Variants in EPHA6 observed in about 807,000 individuals in gnomAD.
The protein encoded by EPHA6 is EPH receptor A6.
In EPHA6, 50 loss-of-function variants were observed where a neutral mutation model predicts 112.0. The ratio of observed to expected loss-of-function variants is 0.45; its 90% CI spans 0.36 to 0.56. EPHA6 has a LOEUF of 0.56. EPHA6 is among the 20% of genes least tolerant of loss of function. The probability of loss-of-function intolerance (pLI) is 0.00; values close to 1 mark genes in which losing one functional copy is unlikely to be tolerated. For synonymous variants in EPHA6, 529 were observed against 490.7 expected (o/e 1.08, Z -1.03); for missense variants, 1,280 against 1,417.4 (o/e 0.90, Z 1.56).
intron 3 of EPHA6, among the ~76,000 whole-genome samples, chr3:97,017,544 C>T (rs11918124): frequency 0.022 from 3,406 of 152,272 alleles, 117 homozygotes; most frequent in African/African-American, 0.071. Flanking sequence ...GCCCCAATGA[C>T]TGAAACTTCT....
chr3:97,148,448 A>C (rs1312457320), intron 3 of EPHA6, among the ~76,000 whole-genome samples: 1 of 152,108 alleles, frequency 6.6e-6, no homozygotes, highest in Non-Finnish European at 1.5e-5. Flanking sequence ...AGCCTGGGCA[A>C]TCAGAGTGAG....
At chr3:96,932,032 T>G (rs989250746) in intron 2 of EPHA6, among the ~76,000 whole-genome samples, 5 of 152,124 alleles carry the variant, frequency 3.3e-5, no homozygotes, top group African/African-American at 1.2e-4. Flanking sequence ...TGATCTATGT[T>G]GCAAAGATCC....
chr3:97,344,835 A>G (rs1455252525), intron 5 of EPHA6, among the ~76,000 whole-genome samples: 2 of 152,172 alleles, frequency 1.3e-5, no homozygotes, highest in African/African-American at 4.8e-5. Flanking sequence ...GCTTGGAAAG[A>G]ATATCATCAA....
intron 15 of EPHA6, among the ~76,000 whole-genome samples, chr3:97,733,013 G>A (rs2035103512): frequency 1.3e-5 from 2 of 152,032 alleles, no homozygotes; most frequent in African/African-American, 2.4e-5. Flanking sequence ...CCCACAGAGA[G>A]GCCGGGACCA....
rs1188149051 is a variant in EPHA6 at position 97,396,647 on chromosome 3, T to A, written c.1607-8503T>A. Among the ~76,000 whole-genome samples the A allele has an allele frequency of 2.0e-5, 3 of 151,624 alleles. 1 individual carries two copies. In the Admixed American group the frequency reaches 2.0e-4, roughly 10 times the overall value. ...TTCAATTCTTTCGTAGCACTTTGAT[T>A]TAATATTAAAATTTACCTTCACATC... is the stretch of plus-strand genomic sequence containing the variant. On this transcript the variant is annotated intron_variant, in intron 5 of 17. Coordinates refer to ENST00000389672, the MANE Select transcript of EPHA6 (RefSeq NM_001080448.3).
chr3:97,053,046 A>T (rs913800527), intron 3 of EPHA6, among the ~76,000 whole-genome samples: 3 of 152,144 alleles, frequency 2.0e-5, no homozygotes, highest in African/African-American at 7.2e-5. Flanking sequence ...GGCCCTTTAC[A>T]GAAGTGTGAC....
chr3:97,739,997 A>C (rs2035431191), intron 16 of EPHA6, among the ~76,000 whole-genome samples: 1 of 152,098 alleles, frequency 6.6e-6, no homozygotes, highest in Non-Finnish European at 1.5e-5. Context: ...GTAGAACAGC[A>C]TCTGGAGCAG....
chr3:97,737,346 T>C (rs575798344), intron 16 of EPHA6, among the ~76,000 whole-genome samples: 4 of 152,212 alleles, frequency 2.6e-5, no homozygotes, highest in African/African-American at 7.2e-5. Flanking sequence ...GACAGTTTTA[T>C]GTTTTCAGTA....
intron 5 of EPHA6, among the ~76,000 whole-genome samples, chr3:97,372,428 T>C (rs2085109550): frequency 6.6e-6 from 1 of 152,180 alleles, no homozygotes; most frequent in Admixed American, 6.6e-5. Context: ...TCAGTTCTAC[T>C]TTCAGATTCA....
intron 5 of EPHA6, among the ~76,000 whole-genome samples, chr3:97,294,713 T>C (rs1490162881): frequency 6.6e-6 from 1 of 152,202 alleles, no homozygotes; most frequent in Non-Finnish European, 1.5e-5. Flanking sequence ...ATTTTATACA[T>C]TCATGTATTT....
chr3:97,182,719 A>G (rs890159487), intron 3 of EPHA6, among the ~76,000 whole-genome samples: 42 of 152,136 alleles, frequency 2.8e-4, no homozygotes, highest in African/African-American at 7.2e-5. Flanking sequence ...TACCTTTAAG[A>G]CAGATGATGT....
intron 11 of EPHA6, among the ~76,000 whole-genome samples, chr3:97,570,098 C>G (rs1012222450): frequency 1.3e-5 from 2 of 152,078 alleles, no homozygotes; most frequent in Non-Finnish European, 2.9e-5. Context: ...TATTTTTATA[C>G]TACCCAGCTG....
At chr3:97,141,754 T>G (rs1045256885) in intron 3 of EPHA6, among the ~76,000 whole-genome samples, 1 of 151,906 alleles carries the variant, frequency 6.6e-6, no homozygotes, top group South Asian at 2.1e-4. Flanking sequence ...AACAACCTAA[T>G]ATCGTAACTC....
intron 5 of EPHA6, among the ~76,000 whole-genome samples, chr3:97,344,740 C>G (rs1225771282): frequency 6.6e-6 from 1 of 152,122 alleles, no homozygotes; most frequent in African/African-American, 2.4e-5. Context: ...TTTAAACATT[C>G]TAGTAAGTGC....
chr3:97,401,477 T>C (rs1220705044), intron 5 of EPHA6, among the ~76,000 whole-genome samples: 1 of 151,858 alleles, frequency 6.6e-6, no homozygotes, highest in Non-Finnish European at 1.5e-5. Context: ...TTGTGGTTTA[T>C]AACAGTCTCT....
intron 3 of EPHA6, among the ~76,000 whole-genome samples, chr3:97,037,577 A>G (rs1386360696): frequency 6.6e-6 from 1 of 152,082 alleles, no homozygotes; most frequent in Non-Finnish European, 1.5e-5. Flanking sequence ...TAAATGCCAT[A>G]CTAGAGAGTT....
chr3:97,596,992 G>A (rs1428169294), intron 12 of EPHA6, among the ~76,000 whole-genome samples: 1 of 148,358 alleles, frequency 6.7e-6, no homozygotes, highest in Non-Finnish European at 1.5e-5. Context: ...ATATGGAATA[G>A]GTGGGTGACC....
At chr3:97,479,399 T>C (rs1421900595) in intron 9 of EPHA6, 35 bp downstream of exon 9, 3 of 1,468,426 alleles carry the variant, frequency 2.0e-6, no homozygotes, top group African/African-American at 1.4e-5. Flanking sequence ...CATTATTTTG[T>C]ACTGTTCCAG....
intron 5 of EPHA6, among the ~76,000 whole-genome samples, chr3:97,362,705 T>C (rs1374930052): frequency 6.6e-6 from 1 of 151,986 alleles, no homozygotes; most frequent in African/African-American, 2.4e-5. Flanking sequence ...ATTGAATCCA[T>C]AGTTGAGCAT....
Sources: gnomAD v4.1 joint callset for allele counts (sites outside exome capture counted in the v4.1 genomes callset) on GRCh38, gnomAD v4.1.1 for gene constraint, MANE v1.5 for transcripts, NCBI Gene and HGNC (gene_info 2026-07-23, HGNC 2026-07-21) for gene names.